The following MBD5 variants were observed in gnomAD, a reference collection of about 807,000 sequenced individuals.
The protein encoded by MBD5 is methyl-CpG binding domain protein 5.
A neutral mutation model predicts 117.3 loss-of-function variants in MBD5; 13 were observed. That is an observed-to-expected ratio of 0.11 (90% CI 0.07 to 0.18). MBD5 has a LOEUF of 0.18. MBD5 is among the 10% of genes least tolerant of loss of function. The pLI is 1.00. For synonymous variants in MBD5, 727 were observed against 766.4 expected, an observed-to-expected ratio of 0.95 and a Z score of 0.85; for missense variants, 1,879 against 2,093.8, an observed-to-expected ratio of 0.90 and a Z score of 2.00.
At chr2:148,408,720 T>A (rs1399371816) in intron 4 of MBD5, among the ~76,000 whole-genome samples, 1 of 152,156 alleles carries the variant, frequency 6.6e-6, no homozygotes, top group Non-Finnish European at 1.5e-5. Flanking sequence ...AAAGGAAATC[T>A]AATTGGCTCT....
intron 1 of MBD5, among the ~76,000 whole-genome samples, chr2:148,107,927 G>C (rs1696410074): frequency 6.6e-6 from 1 of 152,138 alleles, no homozygotes; most frequent in Admixed American, 6.5e-5. Flanking sequence ...CCTGAGAACA[G>C]TATTAGTACA....
Position 148,350,214 on chromosome 2 carries a change from A to C in MBD5, c.-557+7878A>C, listed in dbSNP as rs578117566. 7.2e-5 allele frequency among the ~76,000 whole-genome samples: 11 copies of C among 152,106 alleles called. No individual in the cohort carries two copies. In the South Asian group the frequency reaches 2.3e-3, roughly 32 times the overall value. ...TCCCCCAGAAAAGCCTCAAGCTAAA[A>C]TTGTGATTGCTATTTAGAACTAAAC... is the stretch of plus-strand genomic sequence containing the variant. On this transcript the variant is annotated intron_variant, in intron 4 of 13. Coordinates refer to ENST00000642680, the MANE Select transcript of MBD5 (RefSeq NM_001378120.1).
Position 148,021,481 on chromosome 2 carries a change from T to TTGCTGCTGCTGCTGCTAC in MBD5, c.-1114_-1097dup, listed in dbSNP as rs1553463990. On this transcript the variant is annotated 5_prime_UTR_variant, in exon 1 of 14. Coordinates refer to ENST00000642680, the MANE Select transcript of MBD5 (RefSeq NM_001378120.1). ...GCTGCTGTTGCTGCTGCTGCTGCTG[T>TTGCTGCTGCTGCTGCTAC]TGCTGCTGCTGCTGCTACTGCTGCT... is the stretch of plus-strand genomic sequence containing the variant. 73 of 573,532 alleles carry TTGCTGCTGCTGCTGCTAC rather than the reference T, an allele frequency of 1.3e-4. No homozygotes were observed. Among genetic ancestry groups the TTGCTGCTGCTGCTGCTAC allele is most frequent in the African/African-American group, 5.9e-4 (31 of 52,746 alleles). The allele number at this position is 573,532 out of a possible 1,614,324, so 35.5% of individuals were successfully genotyped here. A position where few individuals can be genotyped will look rare whatever the true frequency, so the allele number is the denominator to read the frequency against.
rs576035908 is a variant in MBD5, at chr2:148,063,458, T to G, written c.-925+41774T>G. ...TGTAAAAGGCCAGATAGTAAATATT[T>G]AGGCCTTAGGAACCTGGCTCAACTC... On this transcript the variant is annotated intron_variant, in intron 1 of 13. Transcript: ENST00000642680. 8.5e-5 allele frequency among the ~76,000 whole-genome samples: 13 copies of G among 152,308 alleles called. No individual in the cohort carries two copies. In the South Asian group the frequency reaches 1.2e-3, roughly 15 times the overall value.
At chr2:148,175,794 CTTCT>C (rs1471401481) in intron 1 of MBD5, among the ~76,000 whole-genome samples, 1 of 152,148 alleles carries the variant, frequency 6.6e-6, no homozygotes, top group African/African-American at 2.4e-5. Flanking sequence ...GATAATAGCA[CTTCT>C]TTATTTTCTA....
intron 1 of MBD5, among the ~76,000 whole-genome samples, chr2:148,141,356 C>T (rs1436947961): frequency 6.6e-6 from 1 of 152,104 alleles, no homozygotes; most frequent in Non-Finnish European, 1.5e-5. Context: ...CCTGATTAAC[C>T]CCCAATAAAC....
At chr2:148,397,540 A>G (rs1238251145) in intron 4 of MBD5, among the ~76,000 whole-genome samples, 1 of 152,050 alleles carries the variant, frequency 6.6e-6, no homozygotes, top group Non-Finnish European at 1.5e-5. Context: ...CATGTTAGCC[A>G]GTATGGTCTC....
chr2:148,307,663 T>C (rs1308006101), intron 3 of MBD5, among the ~76,000 whole-genome samples: 1 of 152,196 alleles, frequency 6.6e-6, no homozygotes, highest in East Asian at 1.9e-4. Context: ...TTATTATACT[T>C]TAAGTTCTGG....
intron 4 of MBD5, among the ~76,000 whole-genome samples, chr2:148,428,272 G>A (rs1705870394): frequency 6.6e-6 from 1 of 151,978 alleles, no homozygotes; most frequent in Non-Finnish European, 1.5e-5. Flanking sequence ...AAAATACCTA[G>A]GAATACAACT....
intron 1 of MBD5, among the ~76,000 whole-genome samples, chr2:148,067,582 A>G (rs1695238037): frequency 1.3e-5 from 2 of 152,184 alleles, no homozygotes. Flanking sequence ...ATACATTTAG[A>G]TCTATTTTTA....
chr2:148,086,801 G>A lies in MBD5; in HGVS notation c.-925+65117G>A, dbSNP rs377312725. On this transcript the variant is annotated intron_variant, in intron 1 of 13. Transcript: ENST00000642680. ...AAATCCTTTCCTCTTTATGCTACCC[G>A]TAGTTCTGGTATTTATTTGGAAGTA... Among the ~76,000 whole-genome samples, 8 of 151,954 alleles carry A rather than the reference G, an allele frequency of 5.3e-5. No homozygotes were observed. The East Asian group carries it at 5.8e-4, about 11-fold the overall frequency.
At chr2:148,300,075 A>G (rs1701745658) in intron 3 of MBD5, among the ~76,000 whole-genome samples, 1 of 151,410 alleles carries the variant, frequency 6.6e-6, no homozygotes, top group Non-Finnish European at 1.5e-5. Flanking sequence ...TTTTTTTGAG[A>G]TGGAGTTTCA....
At chr2:148,429,976 C>T (rs1298916159) in intron 4 of MBD5, among the ~76,000 whole-genome samples, 2 of 152,020 alleles carry the variant, frequency 1.3e-5, no homozygotes, top group African/African-American at 4.8e-5. Context: ...CACATGTACC[C>T]CAGAACTTAA....
rs762160418 is a variant in MBD5, at chr2:148,485,782, A to G, written c.3585A>G (p.Gln1195=). The G allele has an allele frequency of 8.7e-6, 14 of 1,613,852 alleles. No individual in the cohort carries two copies. The highest frequency in any genetic ancestry group is 5.3e-5 in the African/African-American group (4 of 74,930). Residue 1195 remains glutamine (Q), a synonymous_variant, in exon 10 of 14, where the codon CAA becomes CAG. Transcript: ENST00000642680. ...TAAACAATACTTTGAGTAACCATCAACTGACTCATCTACAGTCGCTGTTAA... is the reference window on the plus strand; with the variant it reads ...TAAACAATACTTTGAGTAACCATCAGCTGACTCATCTACAGTCGCTGTTAA... ...SSINNTLSNH[Q]LTHLQSLLNN...
At position 148,021,457 on chromosome 2, in the gene MBD5, C is replaced by A; in HGVS notation, c.-1152C>A. 1.7e-6 allele frequency: 1 copy of A among 576,308 alleles called. No individual in the cohort carries two copies. The allele number at this position is 576,308 out of a possible 1,614,324, so 35.7% of individuals were successfully genotyped here. A position where few individuals can be genotyped will look rare whatever the true frequency, so the allele number is the denominator to read the frequency against. On this transcript the variant is annotated 5_prime_UTR_variant, in exon 1 of 14. It adds an upstream start codon to the 5' untranslated region. Transcript: ENST00000642680. ...TCTTAGCAACACAGACCCTTTGCTG[C>A]TGCTGTTGCTGCTGCTGCTGCTGTT...
At chr2:148,044,227 T>A (rs1694454133) in intron 1 of MBD5, among the ~76,000 whole-genome samples, 1 of 152,252 alleles carries the variant, frequency 6.6e-6, no homozygotes, top group African/African-American at 2.4e-5. Flanking sequence ...ATAGTCTTAA[T>A]TTATTTTTGC....
At chr2:148,161,751 C>A (rs1316724739) in intron 1 of MBD5, among the ~76,000 whole-genome samples, 2 of 152,210 alleles carry the variant, frequency 1.3e-5, no homozygotes, top group Middle Eastern at 3.4e-3. Flanking sequence ...TATTATTATT[C>A]TTTGAATTTT....
At chr2:148,286,356 T>C (rs1346190094) in intron 3 of MBD5, among the ~76,000 whole-genome samples, 1 of 152,212 alleles carries the variant, frequency 6.6e-6, no homozygotes, top group Non-Finnish European at 1.5e-5. Flanking sequence ...TGTGCCAAGA[T>C]TCATCAGAGT....
chr2:148,309,958 A>G (rs182400352), intron 3 of MBD5, among the ~76,000 whole-genome samples: 1 of 152,238 alleles, frequency 6.6e-6, no homozygotes, highest in Non-Finnish European at 1.5e-5. Flanking sequence ...TTATTGATTT[A>G]CAATGTTGAA....
Sources: gnomAD v4.1 joint callset for allele counts (sites outside exome capture counted in the v4.1 genomes callset) on GRCh38, gnomAD v4.1.1 for gene constraint, MANE v1.5 for transcripts, NCBI Gene and HGNC (gene_info 2026-07-23, HGNC 2026-07-21) for gene names.